BLM: variants seen among roughly 807,000 people sequenced by gnomAD.
The protein encoded by BLM is recQ-like DNA helicase BLM.
A neutral mutation model predicts 135.3 loss-of-function variants in BLM; 95 were observed. That is an observed-to-expected ratio of 0.70 (90% CI 0.59 to 0.83). BLM has a LOEUF of 0.83. Among genes scored for constraint, BLM ranks in the 40% least tolerant of loss-of-function variants. The pLI, the probability that BLM is intolerant of heterozygous loss-of-function variation, is 0.00. For missense variants in BLM, 1,518 were observed against 1,663.9 expected, an observed-to-expected ratio of 0.91 and a Z score of 1.53; for synonymous variants, 520 against 589.2, an observed-to-expected ratio of 0.88 and a Z score of 1.70.
In BLM at chr15:90,745,776, T is replaced by TA. The variant is rs759411798; in HGVS notation, c.-4-1612dup. 1.1e-4 allele frequency among the ~76,000 whole-genome samples: 17 copies of TA among 152,082 alleles called. 1 individual carries two copies. Among genetic ancestry groups the TA allele is most frequent in the Non-Finnish European group, 1.3e-4 (9 of 68,010 alleles). On this transcript the variant is annotated intron_variant, in intron 1 of 21. Coordinates refer to ENST00000355112, the MANE Select transcript of BLM (RefSeq NM_000057.4). ...TGTACTGCATCATTATTTTGAAACT[T>TA]ACGATAAAAGTCTTACAGCTGGCTA...
intron 1 of BLM, among the ~76,000 whole-genome samples, chr15:90,730,511 G>A (rs1319145357): frequency 3.3e-5 from 5 of 152,046 alleles, no homozygotes; most frequent in African/African-American, 7.2e-5. Context: ...GTGCAGTGGC[G>A]CAATCTTGGC....
intron 12 of BLM, among the ~76,000 whole-genome samples, chr15:90,770,391 G>A (rs561205485): frequency 6.6e-6 from 1 of 152,054 alleles, no homozygotes; most frequent in South Asian, 2.1e-4. Context: ...TTAGCCAGGA[G>A]GGTCTCGATC....
At chr15:90,805,722 G>T (rs1441546751) in intron 19 of BLM, among the ~76,000 whole-genome samples, 1 of 151,748 alleles carries the variant, frequency 6.6e-6, no homozygotes, top group East Asian at 2.0e-4. Context: ...CGCGAGGCAG[G>T]GTTTCACCAT....
intron 12 of BLM, among the ~76,000 whole-genome samples, chr15:90,772,245 C>G (rs909338415): frequency 5.9e-5 from 9 of 152,174 alleles, no homozygotes; most frequent in African/African-American, 2.2e-4. Context: ...GTTGAAGCCA[C>G]AGCCCCTGTG....
intron 20 of BLM, 147 bp downstream of exon 20, chr15:90,809,406 C>T (rs1897355875): frequency 7.5e-7 from 1 of 1,325,096 alleles, no homozygotes. Flanking sequence ...GTGCCAGTCA[C>T]CTCTGAGAGG....
chr15:90,722,986 G>A (rs375166144), intron 1 of BLM, among the ~76,000 whole-genome samples: 4 of 152,042 alleles, frequency 2.6e-5, no homozygotes, highest in Non-Finnish European at 5.9e-5. Context: ...GATTACAGGC[G>A]CCTGCCACCA....
chr15:90,740,216 C>T (rs1895329020), intron 1 of BLM, among the ~76,000 whole-genome samples: 1 of 152,038 alleles, frequency 6.6e-6, no homozygotes. Flanking sequence ...ATTTGCATAC[C>T]CCTTGCCATC....
chr15:90,794,910 C>A (rs1430899384), intron 16 of BLM, among the ~76,000 whole-genome samples: 2 of 151,470 alleles, frequency 1.3e-5, no homozygotes, highest in Non-Finnish European at 2.9e-5. Context: ...ATAACAGTAA[C>A]TGCTTGTGGA....
Position 90,731,649 on chromosome 15 carries a change from T to C in BLM, c.-5+14209T>C, listed in dbSNP as rs1380972787. On this transcript the variant is annotated intron_variant, in intron 1 of 21. Coordinates refer to ENST00000355112, the MANE Select transcript of BLM (RefSeq NM_000057.4). ...ATCTCATCTAAATTTTAAAATTTAT[T>C]GATGCAAAGTTGTTCATAACAGCCT... Among the ~76,000 whole-genome samples the C allele has an allele frequency of 2.0e-5, 3 of 152,312 alleles. No individual in the cohort carries two copies. In the East Asian group the frequency reaches 5.8e-4, roughly 29 times the overall value.
At chr15:90,769,339 C>G in intron 11 of BLM, 99 bp from the exon 12 acceptor site, 1 of 1,553,798 alleles carries the variant, frequency 6.4e-7, no homozygotes, top group Non-Finnish European at 8.9e-7. Flanking sequence ...TCCTATTTTA[C>G]TGAAGAATAA....
Position 90,769,451 on chromosome 15 carries a change from T to G in BLM, c.2420T>G (p.Phe807Cys). The G allele has an allele frequency of 6.2e-7, 1 of 1,614,152 alleles. No individual in the cohort carries two copies. The highest frequency in any genetic ancestry group is 8.5e-7 in the Non-Finnish European group (1 of 1,180,022). Residue 807 changes from phenylalanine (F) to cysteine (C), a missense_variant, in exon 12 of 22, where the codon TTT becomes TGT. By Grantham distance (205) the Phe-to-Cys change is radical. Transcript: ENST00000355112. ...AHCVSQWGHDFRQDYKRMNML... is the reference protein window; with the variant it reads ...AHCVSQWGHDCRQDYKRMNML... ...TTTTCCAACTAGTGGGGACATGATT[T>G]TCGTCAAGATTACAAAAGAATGAAT...
intron 15 of BLM, among the ~76,000 whole-genome samples, chr15:90,792,121 C>G (rs1385132745): frequency 7.1e-6 from 1 of 140,126 alleles, no homozygotes; most frequent in Non-Finnish European, 1.5e-5. Context: ...GACGGAGTCT[C>G]GCTCTTGTTG....
intron 19 of BLM, 123 bp downstream of exon 19, chr15:90,804,482 G>A (rs1897242444): frequency 8.8e-7 from 1 of 1,132,864 alleles, no homozygotes; most frequent in African/African-American, 1.5e-5. Context: ...GGTTTGTTTT[G>A]AGACGGGGTC....
At position 90,794,393 on chromosome 15, in the gene BLM, AT is replaced by A. The variant is rs3214113; in HGVS notation, c.3210+44del. 0.17 allele frequency: 242,895 copies of A among 1,435,330 alleles called. 21,695 individuals carry two copies. The highest frequency in any genetic ancestry group is 0.18 in the African/African-American group (12,645 of 69,140). 88.9% of individuals were successfully genotyped at this position (1,435,330 alleles called of 1,614,324 possible). A position where few individuals can be genotyped will look rare whatever the true frequency, so the allele number is the denominator to read the frequency against. On this transcript the variant is annotated intron_variant, in intron 16 of 21. Coordinates refer to ENST00000355112, the MANE Select transcript of BLM (RefSeq NM_000057.4). The stretch of plus-strand genomic sequence containing the variant: ...AAGTTTTAAAATTCTTTATAATTAA[AT>A]TTTTTTTCTCTTACTTTAAAAATGT...
At position 90,789,062 on chromosome 15, in the gene BLM, T is replaced by A. The variant is rs557762275; in HGVS notation, c.2824-1587T>A. 3.3e-3 allele frequency among the ~76,000 whole-genome samples: 474 copies of A among 143,646 alleles called. 2 individuals carry two copies. Among genetic ancestry groups the A allele is most frequent in the African/African-American group, 0.012 (447 of 38,620 alleles). 94.2% of individuals were successfully genotyped at this position (143,646 alleles called of 152,430 possible). A position where few individuals can be genotyped will look rare whatever the true frequency, so the allele number is the denominator to read the frequency against. Reference sequence around the variant, plus strand: ...ATGGAGATATATATATATATATATATAACTTTGATAAAAAATATGGTTAAA... The same window carrying A: ...ATGGAGATATATATATATATATATAAAACTTTGATAAAAAATATGGTTAAA... On this transcript the variant is annotated intron_variant, in intron 14 of 21. Coordinates refer to ENST00000355112, the MANE Select transcript of BLM (RefSeq NM_000057.4).
intron 17 of BLM, 126 bp from the exon 18 acceptor site, chr15:90,803,395 T>C: frequency 1.5e-6 from 1 of 673,534 alleles, no homozygotes. Context: ...AATGAGTGTC[T>C]GTGCCGGGGT....
chr15:90,751,749 G>T, intron 3 of BLM, 38 bp from the exon 4 acceptor site: 2 of 1,570,304 alleles, frequency 1.3e-6, no homozygotes, highest in South Asian at 1.1e-5. Context: ...TCTCATTAGT[G>T]GTTAACAAAT....
chr15:90,730,647 C>T (rs1201178430), intron 1 of BLM, among the ~76,000 whole-genome samples: 1 of 151,728 alleles, frequency 6.6e-6, no homozygotes, highest in Non-Finnish European at 1.5e-5. Flanking sequence ...AGGGTTTCAC[C>T]ATATTGGCCA....
At chr15:90,793,138 C>CTT (rs572226744) in intron 15 of BLM, among the ~76,000 whole-genome samples, 3 of 141,894 alleles carry the variant, frequency 2.1e-5, no homozygotes, top group Middle Eastern at 3.3e-3. Context: ...AAATTATTTT[C>CTT]TTTTTTTTTT....
Sources: allele counts gnomAD v4.1 joint callset (sites outside exome capture counted in the v4.1 genomes callset), GRCh38; gene constraint gnomAD v4.1.1; transcripts MANE v1.5; gene names NCBI Gene and HGNC (gene_info 2026-07-23, HGNC 2026-07-21).